Variants in ADGRB3 observed in about 807,000 individuals in gnomAD.
The protein encoded by ADGRB3 is brain-specific angiogenesis inhibitor 3.
A neutral mutation model predicts 193.4 loss-of-function variants in ADGRB3; 37 were observed. That is an observed-to-expected ratio of 0.19 (90% CI 0.15 to 0.25). The LOEUF (loss-of-function observed/expected upper bound fraction) is 0.25. Ranked by LOEUF, ADGRB3 falls within the 10% of genes least tolerant of loss-of-function variation. ADGRB3 has a pLI of 1.00. For synonymous variants in ADGRB3, 690 were observed against 644.2 expected (o/e 1.07, Z -1.08); for missense variants, 1,637 against 1,852.9 (o/e 0.88, Z 2.14).
intron 3 of ADGRB3, among the ~76,000 whole-genome samples, chr6:68,736,230 G>T (rs1179391708): frequency 6.6e-6 from 1 of 151,760 alleles, no homozygotes; most frequent in Non-Finnish European, 1.5e-5. Flanking sequence ...TGTTGCCCAG[G>T]CTAATCTCAA....
At chr6:69,331,072 C>T (rs965564335) in intron 23 of ADGRB3, among the ~76,000 whole-genome samples, 4 of 151,952 alleles carry the variant, frequency 2.6e-5, no homozygotes, top group African/African-American at 4.8e-5. Context: ...TACCAGGTTC[C>T]GCAGCATCCT....
chr6:68,866,205 G>A (rs1000479609), intron 3 of ADGRB3, among the ~76,000 whole-genome samples: 1 of 152,144 alleles, frequency 6.6e-6, no homozygotes, highest in Non-Finnish European at 1.5e-5. Context: ...TCTAGGGAGG[G>A]ACCTGGTAGG....
At chr6:68,891,142 G>C (rs1040391928) in intron 3 of ADGRB3, among the ~76,000 whole-genome samples, 2 of 152,178 alleles carry the variant, frequency 1.3e-5, no homozygotes, top group Non-Finnish European at 2.9e-5. Flanking sequence ...TTTGTGCAGG[G>C]AAACTCCTGT....
chr6:69,021,394 T>C (rs1770265064), intron 13 of ADGRB3, among the ~76,000 whole-genome samples: 2 of 151,902 alleles, frequency 1.3e-5, no homozygotes, highest in Non-Finnish European at 2.9e-5. Context: ...TGCAATTTAA[T>C]AAAAGACTCT....
chr6:68,831,347 CA>C (rs1767949689), intron 3 of ADGRB3, among the ~76,000 whole-genome samples: 1 of 146,164 alleles, frequency 6.8e-6, no homozygotes, highest in African/African-American at 2.5e-5. Flanking sequence ...TGGTTTTGGA[CA>C]TGCTGAATTT....
At chr6:69,143,174 A>G (rs1842742) in intron 17 of ADGRB3, among the ~76,000 whole-genome samples, 97,226 of 152,008 alleles carry the variant, frequency 0.64, 32,323 homozygotes, top group East Asian at 0.95. Context: ...TGCCATTTGT[A>G]CGTCTTGTTT....
intron 3 of ADGRB3, among the ~76,000 whole-genome samples, chr6:68,705,654 T>C (rs558463193): frequency 3.3e-5 from 5 of 152,174 alleles, no homozygotes; most frequent in African/African-American, 4.8e-5. Flanking sequence ...TGGGCAGTGC[T>C]AAGTGGACTA....
intron 16 of ADGRB3, among the ~76,000 whole-genome samples, chr6:69,065,507 A>G (rs1346582693): frequency 6.6e-6 from 1 of 152,110 alleles, no homozygotes; most frequent in Non-Finnish European, 1.5e-5. Context: ...TGCTAAAATT[A>G]GATTTTGTGA....
At chr6:68,802,183 CGTGTGTGTGT>C (rs9294808) in intron 3 of ADGRB3, among the ~76,000 whole-genome samples, 11 of 142,826 alleles carry the variant, frequency 7.7e-5, no homozygotes, top group Non-Finnish European at 1.1e-4. Context: ...TGCACATATG[CGTGTGTGTGT>C]GTGTGTGTGT....
At chr6:69,366,364 T>G (rs901088627) in intron 29 of ADGRB3, among the ~76,000 whole-genome samples, 6 of 152,144 alleles carry the variant, frequency 3.9e-5, no homozygotes, top group Non-Finnish European at 5.9e-5. Context: ...TTGGTCACTT[T>G]GTAATAGAAA....
At chr6:69,304,616 G>C (rs990887704) in intron 20 of ADGRB3, among the ~76,000 whole-genome samples, 2 of 151,526 alleles carry the variant, frequency 1.3e-5, no homozygotes, top group African/African-American at 4.9e-5. Context: ...GTATGTCAAA[G>C]TTATATGTCC....
chr6:68,770,305 G>A (rs916722803), intron 3 of ADGRB3, among the ~76,000 whole-genome samples: 3 of 152,126 alleles, frequency 2.0e-5, no homozygotes, highest in African/African-American at 7.2e-5. Context: ...GAGATATAAG[G>A]TTGGGAATAT....
At chr6:69,142,372 T>C (rs552092951) in intron 17 of ADGRB3, among the ~76,000 whole-genome samples, 2 of 152,340 alleles carry the variant, frequency 1.3e-5, no homozygotes, top group Admixed American at 1.3e-4. Flanking sequence ...GTCTTTTGTG[T>C]ACAGTTGTAT....
chr6:68,822,059 A>T (rs1252720332), intron 3 of ADGRB3, among the ~76,000 whole-genome samples: 1 of 151,882 alleles, frequency 6.6e-6, no homozygotes, highest in Non-Finnish European at 1.5e-5. Context: ...TGGTACAATC[A>T]AATTCAGTAA....
intron 17 of ADGRB3, among the ~76,000 whole-genome samples, chr6:69,167,865 A>C (rs958668445): frequency 6.6e-6 from 1 of 152,058 alleles, no homozygotes; most frequent in South Asian, 2.1e-4. Flanking sequence ...GGGGACTTGC[A>C]CTGGGGTGGT....
intron 4 of ADGRB3, among the ~76,000 whole-genome samples, chr6:68,934,777 A>G (rs1002841755): frequency 3.9e-5 from 6 of 152,204 alleles, no homozygotes; most frequent in Non-Finnish European, 7.3e-5. Flanking sequence ...ATGATTTTCA[A>G]TCTTGATAGA....
chr6:69,089,386 CA>C (rs1772642281), intron 17 of ADGRB3, among the ~76,000 whole-genome samples: 1 of 152,044 alleles, frequency 6.6e-6, no homozygotes, highest in African/African-American at 2.4e-5. Flanking sequence ...ATTAGGTGCT[CA>C]TAAATTGTAT....
At chr6:69,029,900 A>T (rs910352390) in intron 13 of ADGRB3, among the ~76,000 whole-genome samples, 1 of 151,940 alleles carries the variant, frequency 6.6e-6, no homozygotes, top group South Asian at 2.1e-4. Flanking sequence ...TGGGCAAAGG[A>T]TATGAACAGA....
At chr6:68,933,158 G>T (rs113608384) in intron 4 of ADGRB3, among the ~76,000 whole-genome samples, 344 of 151,724 alleles carry the variant, frequency 2.3e-3, no homozygotes, top group African/African-American at 7.9e-3. Flanking sequence ...GATGGCTTAA[G>T]ATATCCTAGT....
Sources: gnomAD v4.1 joint callset for allele counts (sites outside exome capture counted in the v4.1 genomes callset) on GRCh38, gnomAD v4.1.1 for gene constraint, MANE v1.5 for transcripts, NCBI Gene and HGNC (gene_info 2026-07-23, HGNC 2026-07-21) for gene names.